Variants in KCNQ1 observed in about 807,000 individuals in gnomAD.
KCNQ1 encodes potassium voltage-gated channel subfamily Q member 1, also known as potassium voltage-gated channel subfamily KQT member 1.
Under a neutral mutation model 72.4 loss-of-function variants are expected in KCNQ1, and 49 were observed. The observed-to-expected ratio is 0.68, with a 90% CI of 0.54 to 0.86. The LOEUF (loss-of-function observed/expected upper bound fraction) is 0.86, where lower values mean the gene tolerates loss of function less well. Among genes scored for constraint, KCNQ1 ranks in the 40% least tolerant of loss-of-function variants. The pLI is 0.00. For synonymous variants in KCNQ1, 450 were observed against 412.6 expected (o/e 1.09, Z -1.10); for missense variants, 790 against 945.1 (o/e 0.84, Z 2.15).
intron 15 of KCNQ1, among the ~76,000 whole-genome samples, chr11:2,845,464 T>C (rs879342833): frequency 4.6e-5 from 7 of 152,214 alleles, no homozygotes; most frequent in Non-Finnish European, 8.8e-5. Flanking sequence ...GGCGGGTCCT[T>C]GGGTGTGAGA....
At chr11:2,825,811 C>A (rs1326759440) in intron 15 of KCNQ1, among the ~76,000 whole-genome samples, 1 of 152,214 alleles carries the variant, frequency 6.6e-6, no homozygotes, top group Non-Finnish European at 1.5e-5. Context: ...GCGCGGCCTC[C>A]ACGCCAGGGA....
intron 15 of KCNQ1, among the ~76,000 whole-genome samples, chr11:2,820,451 G>A (rs879401080): frequency 1.3e-5 from 2 of 152,198 alleles, no homozygotes; most frequent in Non-Finnish European, 2.9e-5. Context: ...TGCCTAATAG[G>A]ATCATTTCTG....
intron 10 of KCNQ1, chr11:2,632,197 A>G (rs910684952): frequency 5.0e-6 from 2 of 397,976 alleles, no homozygotes; most frequent in Non-Finnish European, 8.9e-6. Flanking sequence ...AAAAAAAAAA[A>G]AAAAAAGAAA....
At position 2,477,162 on chromosome 11, in the gene KCNQ1, G is replaced by A. The variant is rs1846581256; in HGVS notation, c.386+31678G>A. The stretch of plus-strand genomic sequence containing the variant: ...CTCATCAGAACGTCCACAGCTGACG[G>A]TGAACACATTGGCAGGTGAGATATG... On this transcript the variant is annotated intron_variant, in intron 1 of 15. Coordinates refer to ENST00000155840, the MANE Select transcript of KCNQ1 (RefSeq NM_000218.3). This position sits in a 1 kb window ranked among gnomAD's most constrained non-coding sequence, Gnocchi z 5.0. Among the ~76,000 whole-genome samples, 1 of 152,246 alleles carries A rather than the reference G, an allele frequency of 6.6e-6. No homozygotes were observed. The highest frequency in any genetic ancestry group is 1.9e-4 in the East Asian group (1 of 5,202).
At position 2,695,539 on chromosome 11, in the gene KCNQ1, C is replaced by T. The variant is rs1590037924; in HGVS notation, c.1514+33458C>T. 5.0e-6 allele frequency: 2 copies of T among 398,680 alleles called. No individual in the cohort carries two copies. The highest frequency in any genetic ancestry group is 2.1e-5 in the African/African-American group (1 of 48,754). The allele number at this position is 398,680 out of a possible 1,614,324, so 24.7% of individuals were successfully genotyped here. ...ACAGTGACCAGCTCCAACTGCCCAC[C>T]CCTATGGGCCATGCTGCCCTGAGCA... On this transcript the variant is annotated intron_variant, in intron 11 of 15. Transcript: ENST00000155840. This position sits in a 1 kb window ranked among gnomAD's most constrained non-coding sequence, Gnocchi z 5.2.
In KCNQ1 at chr11:2,508,112, T is replaced by A. The variant is rs1011170123; in HGVS notation, c.387-19816T>A. Among the ~76,000 whole-genome samples the A allele has an allele frequency of 2.6e-5, 4 of 151,746 alleles. No individual in the cohort carries two copies. The highest frequency in any genetic ancestry group is 5.9e-5 in the Non-Finnish European group (4 of 67,926). ...GAGCTGGCCTGGGCCCCAGCAGGGG[T>A]CTGTGTTGCCTTGGCCCCACGGCAG... is the stretch of plus-strand genomic sequence containing the variant. On this transcript the variant is annotated intron_variant, in intron 1 of 15. Coordinates refer to ENST00000155840, the MANE Select transcript of KCNQ1 (RefSeq NM_000218.3). This position sits in a 1 kb window ranked among gnomAD's most constrained non-coding sequence, Gnocchi z 6.2.
Position 2,588,880 on chromosome 11 carries a change from G to T in KCNQ1, c.1393+26G>T, listed in dbSNP as rs753762395. 3.7e-6 allele frequency: 6 copies of T among 1,609,618 alleles called. No individual in the cohort carries two copies. Among genetic ancestry groups the T allele is most frequent in the Non-Finnish European group, 5.1e-6 (6 of 1,179,510 alleles). On this transcript the variant is annotated intron_variant, in intron 10 of 15. Transcript: ENST00000155840. The surrounding 1 kb of genome is among the most constrained non-coding windows in gnomAD (Gnocchi z 5.6). ...GTGAGAACCCCTCAGGCAGTTGGGGGCCGCGGGGCCGGGAAGGTCACTGCC... is the reference window on the plus strand; with the variant it reads ...GTGAGAACCCCTCAGGCAGTTGGGGTCCGCGGGGCCGGGAAGGTCACTGCC...
At chr11:2,531,335 C>T (rs1047006537) in intron 2 of KCNQ1, among the ~76,000 whole-genome samples, 2 of 152,024 alleles carry the variant, frequency 1.3e-5, no homozygotes, top group Non-Finnish European at 2.9e-5. Flanking sequence ...CGTCTGCAGC[C>T]CTAGAATCAC....
intron 4 of KCNQ1, among the ~76,000 whole-genome samples, chr11:2,571,633 G>T (rs1032242160): frequency 2.0e-5 from 3 of 152,032 alleles, no homozygotes; most frequent in Admixed American, 6.5e-5. Context: ...CTAGGCTCTG[G>T]CCCAGCACTA....
chr11:2,545,654 G>C (rs1474216565), intron 2 of KCNQ1, among the ~76,000 whole-genome samples: 1 of 152,066 alleles, frequency 6.6e-6, no homozygotes, highest in Non-Finnish European at 1.5e-5. Flanking sequence ...TTATATTCAG[G>C]TGATTGATAA....
rs1034768184 is a variant in KCNQ1 at position 2,816,347 on chromosome 11, T to C, written c.1795-31420T>C. 6.6e-6 allele frequency among the ~76,000 whole-genome samples: 1 copy of C among 152,086 alleles called. No individual in the cohort carries two copies. The highest frequency in any genetic ancestry group is 1.5e-5 in the Non-Finnish European group (1 of 68,002). On this transcript the variant is annotated intron_variant, in intron 15 of 15. Coordinates refer to ENST00000155840, the MANE Select transcript of KCNQ1 (RefSeq NM_000218.3). This position sits in a 1 kb window ranked among gnomAD's most constrained non-coding sequence, Gnocchi z 6.8. ...TTGGGGAGAGGGGCCTCCAGCGCCG[T>C]GGGGGAGAATTTCAAGAGCCTTTTG... is the stretch of plus-strand genomic sequence containing the variant.
At chr11:2,633,176 T>C (rs1379512304) in intron 10 of KCNQ1, 3 of 398,428 alleles carry the variant, frequency 7.5e-6, no homozygotes, top group Non-Finnish European at 1.3e-5. Flanking sequence ...ATGTTGAGCA[T>C]TTTTTCACAT....
rs1850292580 is a variant in KCNQ1, at chr11:2,676,257, T to C, written c.1514+14176T>C. ...TATGGTGCAGTACATCTGAGAAGCATTTTTATTGCAAAATGTGTGTTTACA... is the reference window on the plus strand; with the variant it reads ...TATGGTGCAGTACATCTGAGAAGCACTTTTATTGCAAAATGTGTGTTTACA... On this transcript the variant is annotated intron_variant, in intron 11 of 15. Coordinates refer to ENST00000155840, the MANE Select transcript of KCNQ1 (RefSeq NM_000218.3). This position sits in a 1 kb window ranked among gnomAD's most constrained non-coding sequence, Gnocchi z 4.2. The C allele has an allele frequency of 2.5e-6, 1 of 398,540 alleles. No homozygotes were observed. Among genetic ancestry groups the C allele is most frequent in the South Asian group, 1.3e-4 (1 of 7,864 alleles). 24.7% of individuals were successfully genotyped at this position (398,540 alleles called of 1,614,324 possible).
Position 2,677,442 on chromosome 11 carries a change from T to C in KCNQ1, c.1514+15361T>C, listed in dbSNP as rs1350326453. 2.5e-6 allele frequency: 1 copy of C among 398,552 alleles called. No individual in the cohort carries two copies. The highest frequency in any genetic ancestry group is 4.4e-5 in the Admixed American group (1 of 22,740). 24.7% of individuals were successfully genotyped at this position (398,552 alleles called of 1,614,324 possible). A position where few individuals can be genotyped will look rare whatever the true frequency, so the allele number is the denominator to read the frequency against. On this transcript the variant is annotated intron_variant, in intron 11 of 15. Transcript: ENST00000155840. The surrounding 1 kb of genome is among the most constrained non-coding windows in gnomAD (Gnocchi z 4.5). The stretch of plus-strand genomic sequence containing the variant: ...GGACAGCAGGGGAGATGATAATTGA[T>C]GCAGGTGGCCTCTTGGTCAAGCAGT...
chr11:2,525,999 C>T (rs999232114), intron 1 of KCNQ1, among the ~76,000 whole-genome samples: 7 of 152,164 alleles, frequency 4.6e-5, no homozygotes, highest in African/African-American at 1.7e-4. Flanking sequence ...TTGTGGGGGC[C>T]AGGGTCAGAC....
At chr11:2,581,036 C>G (rs1848491317) in intron 6 of KCNQ1, among the ~76,000 whole-genome samples, 1 of 152,182 alleles carries the variant, frequency 6.6e-6, no homozygotes, top group Non-Finnish European at 1.5e-5. Context: ...GCTGGATGAA[C>G]AAGTAGGAAT....
chr11:2,643,838 T>C (rs1417942758), intron 10 of KCNQ1: 2 of 398,486 alleles, frequency 5.0e-6, no homozygotes, highest in East Asian at 3.6e-5. Flanking sequence ...TTCTCCTTCA[T>C]TTCTGACGAA....
At chr11:2,778,652 C>T (rs1010033448) in intron 15 of KCNQ1, among the ~76,000 whole-genome samples, 4 of 152,144 alleles carry the variant, frequency 2.6e-5, no homozygotes, top group Admixed American at 1.3e-4. Flanking sequence ...GAGGGCCTTT[C>T]TCGGGCCCAT....
Position 2,480,767 on chromosome 11 carries a change from G to A in KCNQ1, c.386+35283G>A, listed in dbSNP as rs185469129. ...GACCTGTAGTGTGCATGTCAGTGTT[G>A]TTTCCCGATTTTGACAACAGTACCA... On this transcript the variant is annotated intron_variant, in intron 1 of 15. Transcript: ENST00000155840. 2.2e-3 allele frequency among the ~76,000 whole-genome samples: 342 copies of A among 152,310 alleles called. 1 individual carries two copies. Among genetic ancestry groups the A allele is most frequent in the African/African-American group, 7.9e-3 (327 of 41,568 alleles).
Sources: gnomAD v4.1 joint callset for allele counts (sites outside exome capture counted in the v4.1 genomes callset) on GRCh38, gnomAD v4.1.1 for gene constraint, Gnocchi (gnomAD v3.1) non-coding constraint, MANE v1.5 for transcripts, NCBI Gene and HGNC (gene_info 2026-07-23, HGNC 2026-07-21) for gene names.